The following SNCAIP variants were observed in gnomAD, a reference collection of about 807,000 sequenced individuals.
SNCAIP encodes the protein synphilin-1.
Under a neutral mutation model 86.7 loss-of-function variants are expected in SNCAIP, and 43 were observed. That is an observed-to-expected ratio of 0.50 (90% CI 0.39 to 0.64). The LOEUF (loss-of-function observed/expected upper bound fraction) is 0.64. Among genes scored for constraint, SNCAIP ranks in the 30% least tolerant of loss-of-function variants. The pLI, the probability that SNCAIP is intolerant of heterozygous loss-of-function variation, is 0.00. For synonymous variants in SNCAIP, 417 were observed against 427.2 expected (o/e 0.98, Z 0.29); for missense variants, 981 against 1,103.1 (o/e 0.89, Z 1.57).
intron 3 of SNCAIP, among the ~76,000 whole-genome samples, chr5:122,406,313 C>T (rs1333903463): frequency 6.6e-6 from 1 of 152,140 alleles, no homozygotes; most frequent in Admixed American, 6.6e-5. Flanking sequence ...GAGTTTGCTC[C>T]AGGAAAGCTA....
intron 8 of SNCAIP, among the ~76,000 whole-genome samples, chr5:122,447,013 C>G (rs1354521835): frequency 6.6e-6 from 1 of 152,174 alleles, no homozygotes; most frequent in Admixed American, 6.5e-5. Context: ...AGTTATCAAG[C>G]TACAGTGAGG....
chr5:122,319,382 T>C (rs928559057), intron 1 of SNCAIP, among the ~76,000 whole-genome samples: 2 of 152,182 alleles, frequency 1.3e-5, no homozygotes, highest in African/African-American at 4.8e-5. Context: ...TGGAAGGAAG[T>C]TGTACTGCTG....
intron 1 of SNCAIP, among the ~76,000 whole-genome samples, chr5:122,324,604 T>C (rs957765736): frequency 6.6e-6 from 1 of 152,172 alleles, no homozygotes; most frequent in African/African-American, 2.4e-5. Flanking sequence ...CTAATAGAGG[T>C]TAGGGGCTTG....
Position 122,345,951 on chromosome 5 carries a change from C to G in SNCAIP, c.-47+33667C>G, listed in dbSNP as rs142323003. ...TACAGTTGTGAGCCACTGTGCCCAG[C>G]CTTCAGGATTTTTTGGTATAGTTTT... On this transcript the variant is annotated intron_variant, in intron 1 of 10. Coordinates refer to ENST00000261368, the MANE Select transcript of SNCAIP (RefSeq NM_005460.4). Among the ~76,000 whole-genome samples the G allele has an allele frequency of 1.9e-4, 29 of 151,998 alleles. 1 individual carries two copies. The East Asian group carries it at 5.2e-3, about 27-fold the overall frequency.
chr5:122,422,537 G>A (rs559845897), intron 3 of SNCAIP, among the ~76,000 whole-genome samples: 62 of 152,178 alleles, frequency 4.1e-4, no homozygotes, highest in Middle Eastern at 3.4e-3. Context: ...TTTTCAGGGT[G>A]GTGACAAATA....
intron 1 of SNCAIP, among the ~76,000 whole-genome samples, chr5:122,327,914 G>GA (rs1754439117): frequency 1.3e-5 from 2 of 152,312 alleles, no homozygotes; most frequent in Non-Finnish European, 2.9e-5. Flanking sequence ...GTGAAATGGG[G>GA]AGGAAGATGG....
intron 2 of SNCAIP, among the ~76,000 whole-genome samples, chr5:122,401,946 C>T (rs886611929): frequency 2.0e-5 from 3 of 152,126 alleles, no homozygotes; most frequent in South Asian, 2.1e-4. Flanking sequence ...GCATGTGCCT[C>T]GAAATACAGA....
chr5:122,412,540 ACTC>A (rs1774357361), intron 3 of SNCAIP, among the ~76,000 whole-genome samples: 1 of 151,162 alleles, frequency 6.6e-6, no homozygotes, highest in Non-Finnish European at 1.5e-5. Context: ...TTCCTTTGCA[ACTC>A]CTCCTCCTTC....
chr5:122,443,917 T>A (rs183855321), intron 7 of SNCAIP, among the ~76,000 whole-genome samples: 1 of 152,246 alleles, frequency 6.6e-6, no homozygotes, highest in African/African-American at 2.4e-5. Context: ...CTATTGCCAA[T>A]TGTAGCCATA....
At chr5:122,320,673 CA>C (rs1175397742) in intron 1 of SNCAIP, among the ~76,000 whole-genome samples, 1 of 152,154 alleles carries the variant, frequency 6.6e-6, no homozygotes, top group African/African-American at 2.4e-5. Context: ...TTGACAGAGT[CA>C]GGGGGATATG....
rs187745101 is a variant in SNCAIP, at chr5:122,426,813, G to T, written c.1182+1282G>T. ...TATCATGAAGAAAGATAAGTCAAATGTAAAGTCGAGATTTAATATAGTTGA... is the reference window on the plus strand; with the variant it reads ...TATCATGAAGAAAGATAAGTCAAATTTAAAGTCGAGATTTAATATAGTTGA... On this transcript the variant is annotated intron_variant, in intron 5 of 10. Transcript: ENST00000261368. 4.0e-3 allele frequency among the ~76,000 whole-genome samples: 610 copies of T among 152,144 alleles called. 2 individuals carry two copies. The highest frequency in any genetic ancestry group is 6.4e-3 in the Non-Finnish European group (435 of 67,992).
At chr5:122,434,569 A>C (rs757987616) in intron 6 of SNCAIP, among the ~76,000 whole-genome samples, 1 of 152,142 alleles carries the variant, frequency 6.6e-6, no homozygotes, top group South Asian at 2.1e-4. Flanking sequence ...GCTAGTGTCA[A>C]TATTCAGGTT....
intron 1 of SNCAIP, among the ~76,000 whole-genome samples, chr5:122,332,529 T>C (rs1169429953): frequency 6.6e-6 from 1 of 152,202 alleles, no homozygotes; most frequent in Non-Finnish European, 1.5e-5. Context: ...CAAAATATAA[T>C]TTCCCTTGAA....
intron 8 of SNCAIP, among the ~76,000 whole-genome samples, chr5:122,448,660 A>G (rs1482464270): frequency 2.2e-5 from 3 of 133,612 alleles, no homozygotes; most frequent in Non-Finnish European, 4.6e-5. Flanking sequence ...TTTTATATAT[A>G]TTATATATAT....
intron 3 of SNCAIP, among the ~76,000 whole-genome samples, chr5:122,416,487 A>T (rs1775335664): frequency 6.6e-6 from 1 of 152,194 alleles, no homozygotes; most frequent in Non-Finnish European, 1.5e-5. Context: ...AGAAACACTC[A>T]TTCCTCACAC....
chr5:122,412,673 C>A (rs1400457826), intron 3 of SNCAIP, among the ~76,000 whole-genome samples: 2 of 152,156 alleles, frequency 1.3e-5, no homozygotes, highest in Non-Finnish European at 2.9e-5. Flanking sequence ...CATCTACATG[C>A]TGCTGTGAAT....
intron 5 of SNCAIP, among the ~76,000 whole-genome samples, chr5:122,430,507 A>T (rs548193844): frequency 8.5e-5 from 13 of 152,170 alleles, no homozygotes; most frequent in Non-Finnish European, 1.6e-4. Flanking sequence ...TGAGTATCGG[A>T]TAGGTAAAGT....
chr5:122,401,069 T>G, intron 2 of SNCAIP: 1 of 1,550,134 alleles, frequency 6.5e-7, no homozygotes, highest in Non-Finnish European at 8.7e-7. Context: ...TTGGTTCCCA[T>G]AGGGCCAAAC....
chr5:122,368,640 C>T (rs1383053918), intron 1 of SNCAIP, among the ~76,000 whole-genome samples: 2 of 152,150 alleles, frequency 1.3e-5, no homozygotes, highest in East Asian at 1.9e-4. Context: ...AGCTTAGCAC[C>T]AGGCTTAATA....
Sources: allele counts gnomAD v4.1 joint callset (sites outside exome capture counted in the v4.1 genomes callset), GRCh38; gene constraint gnomAD v4.1.1; transcripts MANE v1.5; gene names NCBI Gene and HGNC (gene_info 2026-07-23, HGNC 2026-07-21).